Variants in TRMT11 observed in about 807,000 individuals in gnomAD.
TRMT11 encodes the protein tRNA methyltransferase 11, also known as tRNA (guanine(10)-N(2))-methyltransferase TRMT11.
TRMT11 carries 53 observed loss-of-function variants against 62.8 expected under a neutral mutation model. The observed-to-expected ratio is 0.84, with a 90% CI of 0.68 to 1.06. The LOEUF (loss-of-function observed/expected upper bound fraction) is 1.06, where lower values mean the gene tolerates loss of function less well. Among genes scored for constraint, TRMT11 ranks in the 50% least tolerant of loss-of-function variants. The pLI is 0.00. For missense variants in TRMT11, 556 were observed against 553.4 expected, an observed-to-expected ratio of 1.00 and a Z score of -0.05; for synonymous variants, 188 against 190.3, an observed-to-expected ratio of 0.99 and a Z score of 0.10.
At chr6:126,201,062 G>A (rs966030115) in intron 3 of TRMT11, among the ~76,000 whole-genome samples, 23 of 152,298 alleles carry the variant, frequency 1.5e-4, no homozygotes, top group African/African-American at 5.5e-4. Flanking sequence ...ACAATCCAAA[G>A]CGTACTCCCT....
At chr6:126,201,205 G>A (rs1419310446) in intron 3 of TRMT11, among the ~76,000 whole-genome samples, 3 of 152,216 alleles carry the variant, frequency 2.0e-5, no homozygotes, top group Non-Finnish European at 1.5e-5. Context: ...ATAGTGCTTC[G>A]GAAACAGTTT....
At chr6:126,182,877 G>T (rs1778483225) in intron 1 of TRMT11, among the ~76,000 whole-genome samples, 2 of 152,042 alleles carry the variant, frequency 1.3e-5, no homozygotes, top group Non-Finnish European at 2.9e-5. Context: ...CCAGTCACTA[G>T]GTATCAGCCT....
chr6:126,208,469 T>C (rs894569542), downstream of TRMT11, among the ~76,000 whole-genome samples: 1 of 152,170 alleles, frequency 6.6e-6, no homozygotes, highest in African/African-American at 2.4e-5. Context: ...AAGAGATGGC[T>C]CTTATTTAAT....
chr6:125,987,384 C>A (rs1027074701), intron 1 of TRMT11, among the ~76,000 whole-genome samples: 2 of 152,080 alleles, frequency 1.3e-5, no homozygotes, highest in African/African-American at 2.4e-5. Flanking sequence ...ACAAGGTGTT[C>A]ATTATTACTG....
intron 17 of TRMT11, among the ~76,000 whole-genome samples, chr6:126,091,726 A>G (rs1029543435): frequency 2.6e-5 from 4 of 152,218 alleles, no homozygotes; most frequent in African/African-American, 9.7e-5. Context: ...TTGTTTGCAT[A>G]GAAGCCTAAG....
At chr6:126,025,892 T>C (rs1772979848) in intron 12 of TRMT11, among the ~76,000 whole-genome samples, 1 of 152,224 alleles carries the variant, frequency 6.6e-6, no homozygotes, top group African/African-American at 2.4e-5. Flanking sequence ...TATCCCTCTT[T>C]TAAAAGTGTA....
the TRMT11 span, among the ~76,000 whole-genome samples, chr6:126,223,449 A>T: frequency 6.6e-6 from 1 of 151,978 alleles, no homozygotes; most frequent in Admixed American, 6.6e-5. Flanking sequence ...AAAACAAAAC[A>T]AAACAAAACA....
chr6:125,992,970 T>G (rs1205188601), intron 1 of TRMT11, among the ~76,000 whole-genome samples: 1 of 152,182 alleles, frequency 6.6e-6, no homozygotes, highest in Non-Finnish European at 1.5e-5. Flanking sequence ...GACTTCCTGG[T>G]CTGGGTATAG....
chr6:126,060,013 C>T (rs948296681), intron 17 of TRMT11, among the ~76,000 whole-genome samples: 3 of 152,152 alleles, frequency 2.0e-5, no homozygotes, highest in African/African-American at 7.2e-5. Flanking sequence ...TCAATGGAAA[C>T]GTGGGCAAGA....
intron 21 of TRMT11, among the ~76,000 whole-genome samples, chr6:126,157,597 A>G (rs1778136297): frequency 6.6e-6 from 1 of 152,206 alleles, no homozygotes; most frequent in African/African-American, 2.4e-5. Context: ...GAAAGTTACA[A>G]TTTGAAGTTT....
intron 17 of TRMT11, among the ~76,000 whole-genome samples, chr6:126,086,123 G>A (rs1241755971): frequency 6.6e-6 from 1 of 152,050 alleles, no homozygotes; most frequent in Non-Finnish European, 1.5e-5. Flanking sequence ...CTAATTCTTA[G>A]GCTGATTTAC....
intron 9 of TRMT11, among the ~76,000 whole-genome samples, chr6:126,012,352 T>C (rs746997538): frequency 1.3e-5 from 2 of 152,154 alleles, no homozygotes; most frequent in African/African-American, 2.4e-5. Flanking sequence ...AGAATAAAGA[T>C]AGTCTCTTAG....
rs185402522 is a variant in TRMT11, at chr6:126,066,079, C to T, written c.*1437+12889C>T. ...GGTTCAGACCCTTTCCTTTGTTTGACGGTTGGAGGGAGCAATGATCAAGGC... is the reference window on the plus strand; with the variant it reads ...GGTTCAGACCCTTTCCTTTGTTTGATGGTTGGAGGGAGCAATGATCAAGGC... On this transcript the variant is annotated intron_variant and NMD_transcript_variant, in intron 17 of 22. Transcript: ENST00000648977. Among the ~76,000 whole-genome samples, 234 of 152,250 alleles carry T rather than the reference C, an allele frequency of 1.5e-3. 1 individual carries two copies. Among genetic ancestry groups the T allele is most frequent in the African/African-American group, 7.5e-4 (31 of 41,562 alleles).
intron 17 of TRMT11, among the ~76,000 whole-genome samples, chr6:126,074,920 A>G (rs374991147): frequency 6.6e-6 from 1 of 152,204 alleles, no homozygotes. Context: ...ATTGAAGTAT[A>G]TAAAAATAAT....
At chr6:126,011,719 ATTTG>A (rs1037433816) in intron 9 of TRMT11, among the ~76,000 whole-genome samples, 9 of 151,890 alleles carry the variant, frequency 5.9e-5, no homozygotes, top group Non-Finnish European at 1.3e-4. Flanking sequence ...TATATTTAGT[ATTTG>A]TTTTTGTATT....
intron 17 of TRMT11, among the ~76,000 whole-genome samples, chr6:126,091,017 C>G (rs556787924): frequency 6.6e-6 from 1 of 152,202 alleles, no homozygotes; most frequent in South Asian, 2.1e-4. Context: ...TCGAGACCAC[C>G]TGGTCAACAT....
In TRMT11 at chr6:126,038,706, A is replaced by AT; in HGVS notation, c.1263dup (p.Arg422SerfsTer10). The stretch of plus-strand genomic sequence containing the variant: ...ATTTTGTATTTTCCAACCAAACAGA[A>AT]TCGGGACCAGTATTCACATCTGCTA... On this transcript the variant is annotated frameshift_variant and splice_region_variant, in exon 13 of 13. Transcript: ENST00000334379. LOFTEE classifies it high-confidence loss of function. 3 of 1,554,962 alleles carry AT rather than the reference A, an allele frequency of 1.9e-6. No individual in the cohort carries two copies. The highest frequency in any genetic ancestry group is 2.6e-6 in the Non-Finnish European group (3 of 1,157,964).
chr6:126,127,320 C>A (rs1300193870), intron 21 of TRMT11, among the ~76,000 whole-genome samples: 2 of 151,916 alleles, frequency 1.3e-5, no homozygotes, highest in East Asian at 3.9e-4. Flanking sequence ...TGAGAGAGGG[C>A]AGGAACATAG....
At chr6:126,010,648 A>C (rs921591904) in intron 8 of TRMT11, among the ~76,000 whole-genome samples, 1 of 152,092 alleles carries the variant, frequency 6.6e-6, no homozygotes, top group Non-Finnish European at 1.5e-5. Context: ...AGGTACATCA[A>C]GATTGATATA....
Sources: allele counts gnomAD v4.1 joint callset (sites outside exome capture counted in the v4.1 genomes callset), GRCh38; gene constraint gnomAD v4.1.1; transcripts MANE v1.5; gene names NCBI Gene and HGNC (gene_info 2026-07-23, HGNC 2026-07-21).